The following CCSER2 variants were observed in gnomAD, a reference collection of about 807,000 sequenced individuals.
CCSER2 encodes the protein serine-rich coiled-coil domain-containing protein 2.
In CCSER2, 46 loss-of-function variants were observed where a neutral mutation model predicts 92.3. The ratio of observed to expected loss-of-function variants is 0.50; its 90% CI spans 0.39 to 0.64. The LOEUF is 0.64. CCSER2 is among the 30% of genes least tolerant of loss of function. The pLI is 0.00. For missense variants in CCSER2, 1,244 were observed against 1,238.9 expected (o/e 1.00, Z -0.06); for synonymous variants, 433 against 431.4 (o/e 1.00, Z -0.04).
chr10:84,411,143 A>T (rs951130515), intron 3 of CCSER2, among the ~76,000 whole-genome samples: 4 of 152,016 alleles, frequency 2.6e-5, no homozygotes, highest in Non-Finnish European at 4.4e-5. Context: ...TTATACCAGT[A>T]CTGTGCTGTT....
intron 5 of CCSER2, among the ~76,000 whole-genome samples, chr10:84,434,074 A>G (rs1407304150): frequency 1.3e-5 from 2 of 152,194 alleles, no homozygotes; most frequent in Non-Finnish European, 2.9e-5. Context: ...ATGAATGTTA[A>G]AATTTATACA....
In CCSER2 at chr10:84,463,932, G is replaced by A. The variant is rs762470936; in HGVS notation, c.2065-1G>A. Reference sequence around the variant, plus strand: ...TGTTTTTCTTCCCTTCTTTCTGACAGCATGATGGAAGTGGTTCATTGCATG... The same window carrying A: ...TGTTTTTCTTCCCTTCTTTCTGACAACATGATGGAAGTGGTTCATTGCATG... On this transcript the variant is annotated splice_acceptor_variant, in intron 6 of 9. Coordinates refer to ENST00000372088, the MANE Select transcript of CCSER2 (RefSeq NM_001284240.2). LOFTEE classifies it high-confidence loss of function. The A allele has an allele frequency of 8.1e-6, 13 of 1,597,382 alleles. No individual in the cohort carries two copies. Among genetic ancestry groups the A allele is most frequent in the Middle Eastern group, 1.7e-4 (1 of 6,014 alleles).
intron 1 of CCSER2, among the ~76,000 whole-genome samples, chr10:84,363,650 A>C (rs1319058409): frequency 6.6e-6 from 1 of 152,204 alleles, no homozygotes; most frequent in African/African-American, 2.4e-5. Context: ...TGGATATGAA[A>C]GGAGTTTGAA....
At chr10:84,489,017 A>G (rs948558687) in intron 9 of CCSER2, among the ~76,000 whole-genome samples, 2 of 152,166 alleles carry the variant, frequency 1.3e-5, no homozygotes, top group African/African-American at 4.8e-5. Flanking sequence ...ATTCAGGAGC[A>G]GGTTGTTCAG....
At chr10:84,458,593 A>G (rs1845912869) in intron 6 of CCSER2, among the ~76,000 whole-genome samples, 2 of 152,196 alleles carry the variant, frequency 1.3e-5, no homozygotes, top group African/African-American at 4.8e-5. Flanking sequence ...GATAGGGAGA[A>G]TACTGAATCT....
intron 3 of CCSER2, among the ~76,000 whole-genome samples, chr10:84,403,581 A>G (rs1408203669): frequency 1.3e-5 from 2 of 152,210 alleles, no homozygotes; most frequent in Non-Finnish European, 2.9e-5. Context: ...CTGAAGTTGA[A>G]CAATACAAAA....
chr10:84,509,217 C>A (rs559099864), intron 9 of CCSER2, among the ~76,000 whole-genome samples: 11 of 152,238 alleles, frequency 7.2e-5, no homozygotes, highest in African/African-American at 2.6e-4. Flanking sequence ...TTTATTTAAT[C>A]ATTAATGCTT....
intron 1 of CCSER2, among the ~76,000 whole-genome samples, chr10:84,367,707 CT>C (rs71013317): frequency 1.6e-3 from 232 of 141,334 alleles, no homozygotes; most frequent in South Asian, 4.3e-3. Context: ...CTTTTCCTTG[CT>C]TTTTTTTTTT....
At chr10:84,442,214 T>C (rs1199650730) in intron 6 of CCSER2, among the ~76,000 whole-genome samples, 1 of 152,154 alleles carries the variant, frequency 6.6e-6, no homozygotes, top group Admixed American at 6.5e-5. Context: ...GAGATCTCTT[T>C]GGCTTCTTAG....
At chr10:84,475,400 A>G (rs535486358) in intron 8 of CCSER2, among the ~76,000 whole-genome samples, 1 of 152,346 alleles carries the variant, frequency 6.6e-6, no homozygotes, top group South Asian at 2.1e-4. Context: ...ACTTTTCCAA[A>G]TTTTGGAAAA....
chr10:84,488,363 C>G (rs968793619), intron 9 of CCSER2, among the ~76,000 whole-genome samples: 42 of 152,196 alleles, frequency 2.8e-4, no homozygotes, highest in African/African-American at 9.9e-4. Flanking sequence ...GTGAATCCAT[C>G]TGGTCCTGGA....
chr10:84,408,940 G>A (rs1378375745), intron 3 of CCSER2, among the ~76,000 whole-genome samples: 1 of 151,950 alleles, frequency 6.6e-6, no homozygotes, highest in Non-Finnish European at 1.5e-5. Flanking sequence ...CATAGGTACT[G>A]TAAATCAAAA....
intron 1 of CCSER2, among the ~76,000 whole-genome samples, chr10:84,366,067 G>A (rs1361507133): frequency 6.6e-6 from 1 of 152,066 alleles, no homozygotes; most frequent in Admixed American, 6.6e-5. Flanking sequence ...TACTTCAGAA[G>A]CTAGATTTGA....
At chr10:84,354,268 A>G (rs1372171016) in intron 1 of CCSER2, among the ~76,000 whole-genome samples, 1 of 149,000 alleles carries the variant, frequency 6.7e-6, no homozygotes, top group Non-Finnish European at 1.5e-5. Context: ...TTTTTTAAAT[A>G]GGGTTTGTTT....
Position 84,372,244 on chromosome 10 carries a change from T to C in CCSER2, c.1192T>C (p.Ser398Pro). 1 of 1,613,162 alleles carries C rather than the reference T, an allele frequency of 6.2e-7. No homozygotes were observed. The change falls in exon 2 of 10, where the codon TCC becomes CCC. Residue 398 changes from serine to proline, a missense_variant. Transcript: ENST00000372088. Reference protein sequence around the residue: ...RYLSDDVDDISLSSLSSSDKN... With the variant: ...RYLSDDVDDIPLSSLSSSDKN... Reference sequence around the variant, plus strand: ...CCTGAGTGATGATGTGGATGACATTTCCTTGTCGTCTTTGTCATCTTCTGA... The same window carrying C: ...CCTGAGTGATGATGTGGATGACATTCCCTTGTCGTCTTTGTCATCTTCTGA...
chr10:84,397,074 T>G (rs1196610736), intron 3 of CCSER2, among the ~76,000 whole-genome samples: 6 of 152,216 alleles, frequency 3.9e-5, no homozygotes, highest in Admixed American at 3.9e-4. Flanking sequence ...GTGTAGAAAC[T>G]TCTGCATATA....
At chr10:84,437,148 C>G (rs1844210451) in intron 5 of CCSER2, among the ~76,000 whole-genome samples, 2 of 143,276 alleles carry the variant, frequency 1.4e-5, no homozygotes, top group African/African-American at 5.2e-5. Flanking sequence ...CACACACACA[C>G]ACAGAGAGAG....
chr10:84,440,675 A>G (rs1844476428), intron 6 of CCSER2, among the ~76,000 whole-genome samples: 1 of 152,076 alleles, frequency 6.6e-6, no homozygotes. Context: ...TTATTCTCTC[A>G]CTTTGCTGGA....
intron 9 of CCSER2, among the ~76,000 whole-genome samples, chr10:84,485,895 C>G (rs1847778699): frequency 6.6e-6 from 1 of 152,196 alleles, no homozygotes; most frequent in Non-Finnish European, 1.5e-5. Context: ...CCTACCACCT[C>G]CCCCAACCCC....
Sources: allele counts gnomAD v4.1 joint callset (sites outside exome capture counted in the v4.1 genomes callset), GRCh38; gene constraint gnomAD v4.1.1; transcripts MANE v1.5; gene names NCBI Gene and HGNC (gene_info 2026-07-23, HGNC 2026-07-21).